Variants in NLRP5 observed in about 807,000 individuals in gnomAD.
NLRP5 encodes NACHT, LRR and PYD domains-containing protein 5.
NLRP5 carries 93 observed loss-of-function variants against 113.1 expected under a neutral mutation model. The observed-to-expected ratio is 0.82, with a 90% confidence interval of 0.70 to 0.98. The LOEUF is 0.98. Among genes scored for constraint, NLRP5 ranks in the 50% least tolerant of loss-of-function variants. NLRP5 has a pLI of 0.00. For synonymous variants in NLRP5, 751 were observed against 600.7 expected (o/e 1.25, Z -3.66); for missense variants, 1,808 against 1,514.3 (o/e 1.19, Z -3.22).
chr19:56,034,821 G>A (rs1166979529), intron 9 of NLRP5, among the ~76,000 whole-genome samples: 1 of 112,136 alleles, frequency 8.9e-6, no homozygotes, highest in African/African-American at 2.6e-5. Context: ...GGGACACGTT[G>A]GTTGGTTGGT....
intron 10 of NLRP5, among the ~76,000 whole-genome samples, chr19:56,039,870 C>T (rs573512585): frequency 1.8e-4 from 27 of 152,204 alleles, no homozygotes; most frequent in Non-Finnish European, 2.5e-4. Context: ...GCCAAGGTCA[C>T]GCCATTGCAC....
chr19:56,045,716 G>A (rs1430226527), intron 11 of NLRP5, among the ~76,000 whole-genome samples: 1 of 152,130 alleles, frequency 6.6e-6, no homozygotes, highest in African/African-American at 2.4e-5. Flanking sequence ...ATAAGCAGTG[G>A]AAAGTAACAG....
chr19:55,998,728 A>ATATATGTGTATATATATATATG (rs1262553481), upstream of NLRP5, among the ~76,000 whole-genome samples: 1 of 130,344 alleles, frequency 7.7e-6, no homozygotes, highest in Non-Finnish European at 1.6e-5. Flanking sequence ...ATATATATAT[A>ATATATGTGTATATATATATATG]TGTGTATATA....
intron 2 of NLRP5, among the ~76,000 whole-genome samples, chr19:56,008,488 G>T (rs1982037295): frequency 6.6e-6 from 1 of 152,074 alleles, no homozygotes; most frequent in African/African-American, 2.4e-5. Context: ...CAGGTCTTGA[G>T]GAGGACTCCT....
chr19:56,049,555 G>A (rs1423154274), intron 11 of NLRP5, among the ~76,000 whole-genome samples: 3 of 150,266 alleles, frequency 2.0e-5, no homozygotes, highest in Non-Finnish European at 3.0e-5. Context: ...TGATCCTCCC[G>A]CCTTGGCCTC....
rs761326403 is a variant in NLRP5, at chr19:56,003,964, C to T, written c.311C>T (p.Ala104Val). Residue 104 changes from alanine to valine, a missense_variant, in exon 2 of 15, where the codon GCC (alanine) becomes GTC (valine). By Grantham distance (64) the Ala-to-Val change is moderately conservative. Coordinates refer to ENST00000390649, the MANE Select transcript of NLRP5 (RefSeq NM_153447.4). ...ATTCCACAGTTTGAAATCGAGAATG[C>T]CAACGTGGAATGTCTGGCACTCCTC... is the stretch of plus-strand genomic sequence containing the variant. The T allele has an allele frequency of 6.2e-7, 1 of 1,613,930 alleles. No individual in the cohort carries two copies. The highest frequency in any genetic ancestry group is 1.1e-5 in the South Asian group (1 of 91,080).
chr19:56,030,117 C>G (rs558120076), intron 7 of NLRP5, among the ~76,000 whole-genome samples: 1 of 150,800 alleles, frequency 6.6e-6, no homozygotes, highest in Non-Finnish European at 1.5e-5. Flanking sequence ...TGCCTGTAAT[C>G]CTAGCACTTT....
upstream of NLRP5, among the ~76,000 whole-genome samples, chr19:55,998,655 A>G (rs1568478055): frequency 3.2e-5 from 1 of 31,070 alleles, no homozygotes; most frequent in African/African-American, 1.7e-4. Flanking sequence ...TTCGTCTCAA[A>G]ATATGTGTGT....
chr19:56,040,053 G>A (rs1983462271), intron 10 of NLRP5, among the ~76,000 whole-genome samples: 1 of 152,052 alleles, frequency 6.6e-6, no homozygotes, highest in South Asian at 2.1e-4. Flanking sequence ...CAGGCTCCAG[G>A]GATCCTCCTG....
chr19:56,048,978 A>AT (rs1983826625), intron 11 of NLRP5, among the ~76,000 whole-genome samples: 3 of 23,584 alleles, frequency 1.3e-4, no homozygotes, highest in East Asian at 1.4e-3. Flanking sequence ...TTTTTTTTTT[A>AT]ATTTTTTTTT....
chr19:55,995,513 G>A (rs753217205), upstream of NLRP5, among the ~76,000 whole-genome samples: 5 of 152,108 alleles, frequency 3.3e-5, no homozygotes, highest in Non-Finnish European at 7.4e-5. Flanking sequence ...CTATAGCTTT[G>A]TGAAGTCAGG....
Position 56,027,120 on chromosome 19 carries a change from C to T in NLRP5, c.887C>T (p.Ala296Val). The change falls in exon 7 of 15, where the codon GCC becomes GTC. Residue 296 changes from alanine (A) to valine (V), a missense_variant. Ala to Val is a moderately conservative substitution (Grantham distance 64). Coordinates refer to ENST00000390649, the MANE Select transcript of NLRP5 (RefSeq NM_153447.4). ...TCAGGAATTGGGAAATCGGCTCTAG[C>T]CAGAAGGATCGTGCTGTGCTGGGCG... The T allele has an allele frequency of 6.3e-7, 1 of 1,588,616 alleles. No homozygotes were observed. Among genetic ancestry groups the T allele is most frequent in the Non-Finnish European group, 8.6e-7 (1 of 1,167,586 alleles).
At position 56,053,926 on chromosome 19, in the gene NLRP5, T is replaced by C. The variant is rs1488373002; in HGVS notation, c.3299+118T>C. On this transcript the variant is annotated intron_variant, in intron 13 of 14. Coordinates refer to ENST00000390649, the MANE Select transcript of NLRP5 (RefSeq NM_153447.4). ...GTTTCCATGAGTCCCTCAAGTTAGA[T>C]GGAGTGCAACCTTCGCAGCACCACA... is the stretch of plus-strand genomic sequence containing the variant. 5.5e-6 allele frequency: 5 copies of C among 901,414 alleles called. No homozygotes were observed. In the African/African-American group the frequency reaches 6.6e-5, roughly 12 times the overall value. 55.8% of individuals were successfully genotyped at this position (901,414 alleles called of 1,614,324 possible).
Position 56,061,425 on chromosome 19 carries a change from T to C in NLRP5, c.3500T>C (p.Ile1167Thr), listed in dbSNP as rs1984348039. The C allele has an allele frequency of 1.9e-6, 3 of 1,613,814 alleles. No individual in the cohort carries two copies. Among genetic ancestry groups the C allele is most frequent in the Admixed American group, 1.7e-5 (1 of 59,996 alleles). The change falls in exon 15 of 15, where the codon ATA (isoleucine) becomes ACA (threonine). Residue 1167 changes from isoleucine (I) to threonine (T), a missense_variant. By Grantham distance (89) the Ile-to-Thr change is moderately conservative. Transcript: ENST00000390649. Reference sequence around the variant, plus strand: ...TGGAAATGGCAGTACCCTGTGCAAATAAGGAAGCTGCTGGAGGAAGTGCAG... The same window carrying C: ...TGGAAATGGCAGTACCCTGTGCAAACAAGGAAGCTGCTGGAGGAAGTGCAG...
chr19:56,004,865 G>A (rs1981793448), intron 2 of NLRP5, among the ~76,000 whole-genome samples: 1 of 151,840 alleles, frequency 6.6e-6, no homozygotes, highest in African/African-American at 2.4e-5. Context: ...GGCTGAGGTG[G>A]GTGGATCACC....
intron 11 of NLRP5, among the ~76,000 whole-genome samples, chr19:56,042,664 T>C (rs905603397): frequency 2.6e-5 from 4 of 152,154 alleles, no homozygotes; most frequent in South Asian, 4.1e-4. Context: ...GTAAGTTCTT[T>C]AGTGGTGATT....
chr19:56,001,902 G>A (rs1392727316), intron 1 of NLRP5, among the ~76,000 whole-genome samples: 2 of 147,014 alleles, frequency 1.4e-5, no homozygotes, highest in Non-Finnish European at 2.9e-5. Flanking sequence ...AAGTAATGGT[G>A]GGGGGAAAGG....
At chr19:56,008,273 G>A (rs1054305501) in intron 2 of NLRP5, among the ~76,000 whole-genome samples, 1 of 152,050 alleles carries the variant, frequency 6.6e-6, no homozygotes, top group African/African-American at 2.4e-5. Flanking sequence ...AGAACGCAGT[G>A]TCATGGGTGA....
chr19:56,057,100 C>A (rs138854141), intron 13 of NLRP5, among the ~76,000 whole-genome samples: 1 of 152,332 alleles, frequency 6.6e-6, no homozygotes, highest in African/African-American at 2.4e-5. Context: ...CGTGCCACCA[C>A]ACCCCAGCCT....
Sources: gnomAD v4.1 joint callset for allele counts (sites outside exome capture counted in the v4.1 genomes callset) on GRCh38, gnomAD v4.1.1 for gene constraint, MANE v1.5 for transcripts, NCBI Gene and HGNC (gene_info 2026-07-23, HGNC 2026-07-21) for gene names.